The following ANKFN1 variants were observed in gnomAD, a reference collection of about 807,000 sequenced individuals.
ANKFN1 encodes the protein ankyrin repeat and fibronectin type III domain containing 1, also known as ankyrin repeat and fibronectin type-III domain-containing protein 1.
ANKFN1 carries 74 observed loss-of-function variants against 108.7 expected under a neutral mutation model. That is an observed-to-expected ratio of 0.68 (90% confidence interval 0.56 to 0.83). ANKFN1 has a LOEUF of 0.83. Ranked by LOEUF, ANKFN1 falls within the 40% of genes least tolerant of loss-of-function variation. ANKFN1 has a pLI of 0.00. For synonymous variants in ANKFN1, 547 were observed against 516.2 expected, an observed-to-expected ratio of 1.06 and a Z score of -0.81; for missense variants, 1,505 against 1,382.3, an observed-to-expected ratio of 1.09 and a Z score of -1.41.
intron 4 of ANKFN1, among the ~76,000 whole-genome samples, chr17:56,051,838 A>G (rs1402875155): frequency 1.3e-5 from 2 of 151,372 alleles, no homozygotes; most frequent in African/African-American, 4.9e-5. Flanking sequence ...AAGAGAATAA[A>G]ATACCTAGGA....
intron 1 of ANKFN1, among the ~76,000 whole-genome samples, chr17:56,203,258 A>G (rs569414362): frequency 2.0e-5 from 3 of 152,270 alleles, no homozygotes; most frequent in African/African-American, 7.2e-5. Flanking sequence ...ACATACATAC[A>G]TCTTAGGCCT....
chr17:56,480,733 C>A lies in ANKFN1; in HGVS notation c.2006C>A (p.Ser669Tyr), dbSNP rs1162828626. Reference sequence around the variant, plus strand: ...TCTATGGAAAGTGTGGATCATACTTCTGACTGCCCCATGCAATTGTTCTTC... The same window carrying A: ...TCTATGGAAAGTGTGGATCATACTTATGACTGCCCCATGCAATTGTTCTTC... ...SESMESVDHT[S>Y]DCPMQLFFYE... Residue 669 changes from serine (S) to tyrosine (Y), a missense_variant, in exon 17 of 21, where the codon TCT becomes TAT. Ser to Tyr is a moderately radical substitution (Grantham distance 144). Transcript: ENST00000682825. 2 of 1,614,022 alleles carry A rather than the reference C, an allele frequency of 1.2e-6. No individual in the cohort carries two copies. Among genetic ancestry groups the A allele is most frequent in the African/African-American group, 1.3e-5 (1 of 75,014 alleles).
At chr17:56,188,390 G>A (rs1912456909) in intron 1 of ANKFN1, among the ~76,000 whole-genome samples, 2 of 151,310 alleles carry the variant, frequency 1.3e-5, no homozygotes, top group Non-Finnish European at 2.9e-5. Context: ...GGGTTTAAAA[G>A]ATGTTCCTCT....
intron 2 of ANKFN1, among the ~76,000 whole-genome samples, chr17:56,226,316 A>T (rs1368523327): frequency 6.6e-6 from 1 of 152,172 alleles, no homozygotes; most frequent in African/African-American, 2.4e-5. Flanking sequence ...GTCCAATAAA[A>T]ATGTATCAAC....
At chr17:56,491,460 A>G (rs2051036514) in intron 18 of ANKFN1, among the ~76,000 whole-genome samples, 1 of 152,186 alleles carries the variant, frequency 6.6e-6, no homozygotes, top group Non-Finnish European at 1.5e-5. Context: ...ACCAGGCTCA[A>G]TCCTACACTG....
chr17:56,329,985 G>T (rs767290258), intron 4 of ANKFN1, among the ~76,000 whole-genome samples: 4 of 152,290 alleles, frequency 2.6e-5, no homozygotes, highest in African/African-American at 4.8e-5. Flanking sequence ...GGACTTTCCA[G>T]TCTCCAGAAC....
chr17:56,147,467 T>C (rs1908333630), intron 4 of ANKFN1, among the ~76,000 whole-genome samples: 1 of 152,146 alleles, frequency 6.6e-6, no homozygotes, highest in African/African-American at 2.4e-5. Flanking sequence ...AAACTTACAA[T>C]CATGGTGGAA....
chr17:56,264,019 G>T (rs556151571), intron 3 of ANKFN1, among the ~76,000 whole-genome samples: 2 of 152,108 alleles, frequency 1.3e-5, no homozygotes, highest in Non-Finnish European at 2.9e-5. Context: ...TGAGACTCCC[G>T]TACCCCTCAC....
chr17:56,443,743 T>C (rs540224562), intron 10 of ANKFN1, among the ~76,000 whole-genome samples: 32 of 152,356 alleles, frequency 2.1e-4, no homozygotes, highest in African/African-American at 6.7e-4. Context: ...CCAGGTATGT[T>C]TGGGCATTCT....
chr17:56,418,982 G>C (rs12051627), intron 8 of ANKFN1, among the ~76,000 whole-genome samples: 3,743 of 152,232 alleles, frequency 0.025, 128 homozygotes, highest in East Asian at 0.083. Context: ...ATCTCAGGGG[G>C]ATTAGAGTAA....
intron 8 of ANKFN1, among the ~76,000 whole-genome samples, chr17:56,399,849 A>T (rs891781016): frequency 8.1e-5 from 1 of 12,376 alleles, no homozygotes; most frequent in Non-Finnish European, 1.9e-4. Context: ...TTTTTTATAT[A>T]TATATATATA....
intron 6 of ANKFN1, among the ~76,000 whole-genome samples, chr17:56,357,099 A>C (rs1025101091): frequency 5.9e-5 from 9 of 152,166 alleles, no homozygotes; most frequent in Non-Finnish European, 1.0e-4. Context: ...TACCATCACA[A>C]AGTTGTAAAG....
chr17:56,486,768 A>G (rs759445565), intron 18 of ANKFN1, among the ~76,000 whole-genome samples: 1 of 152,220 alleles, frequency 6.6e-6, no homozygotes, highest in African/African-American at 2.4e-5. Context: ...TAATAACCAC[A>G]TGGGAATTCT....
chr17:56,245,240 T>C (rs1917873553), intron 3 of ANKFN1, among the ~76,000 whole-genome samples: 1 of 152,142 alleles, frequency 6.6e-6, no homozygotes, highest in African/African-American at 2.4e-5. Context: ...TCTGAACCTG[T>C]GGTTCCTCAT....
At chr17:56,483,439 T>C (rs982994803) in intron 18 of ANKFN1, among the ~76,000 whole-genome samples, 9 of 152,376 alleles carry the variant, frequency 5.9e-5, no homozygotes, top group Admixed American at 4.6e-4. Flanking sequence ...TGATGTCTCA[T>C]TTGAGCCCTG....
chr17:56,467,700 G>A (rs1281035326), intron 15 of ANKFN1, among the ~76,000 whole-genome samples: 5 of 116,816 alleles, frequency 4.3e-5, no homozygotes, highest in South Asian at 5.5e-4. Context: ...AGAAAGAAAA[G>A]AAAAGAAAGA....
At chr17:56,122,798 G>A (rs1043646448) in intron 4 of ANKFN1, among the ~76,000 whole-genome samples, 12 of 152,308 alleles carry the variant, frequency 7.9e-5, no homozygotes, top group African/African-American at 2.9e-4. Context: ...GGACTAATGG[G>A]CACTAAAGCA....
intron 3 of ANKFN1, among the ~76,000 whole-genome samples, chr17:56,231,283 G>A (rs1011645554): frequency 6.6e-6 from 1 of 152,052 alleles, no homozygotes; most frequent in South Asian, 2.1e-4. Flanking sequence ...AACTTGGTTT[G>A]TGTAATTTAG....
At chr17:56,410,338 G>A (rs1037464302) in intron 8 of ANKFN1, among the ~76,000 whole-genome samples, 45 of 152,060 alleles carry the variant, frequency 3.0e-4, no homozygotes, top group African/African-American at 8.7e-4. Context: ...CTCATGATCC[G>A]CCCACCTCGG....
Sources: allele counts gnomAD v4.1 joint callset (sites outside exome capture counted in the v4.1 genomes callset), GRCh38; gene constraint gnomAD v4.1.1; transcripts MANE v1.5; gene names NCBI Gene and HGNC (gene_info 2026-07-23, HGNC 2026-07-21).